The following RPRD1A variants were observed in gnomAD, a reference collection of about 807,000 sequenced individuals.
RPRD1A encodes regulation of nuclear pre-mRNA domain-containing protein 1A.
Under a neutral mutation model 37.8 loss-of-function variants are expected in RPRD1A, and 9 were observed. The ratio of observed to expected loss-of-function variants is 0.24; its 90% CI spans 0.14 to 0.42. The LOEUF is 0.42. Among genes scored for constraint, RPRD1A ranks in the 10% least tolerant of loss-of-function variants. The pLI, the probability that RPRD1A is intolerant of heterozygous loss-of-function variation, is 1.00. For synonymous variants in RPRD1A, 138 were observed against 139.7 expected (o/e 0.99, Z 0.08); for missense variants, 255 against 371.0 (o/e 0.69, Z 2.57).
At chr18:36,026,707 A>C in intron 6 of RPRD1A, 193 bp downstream of exon 6, 1 of 440,026 alleles carries the variant, frequency 2.3e-6, no homozygotes, top group East Asian at 3.5e-5. Flanking sequence ...CCAAATTTCT[A>C]AGTTTACTTG....
intron 6 of RPRD1A, 77 bp downstream of exon 6, chr18:36,026,823 T>C (rs1259215242): frequency 4.0e-5 from 55 of 1,382,272 alleles, no homozygotes; most frequent in East Asian, 2.0e-4. Flanking sequence ...AATGTGCACA[T>C]AGATTAAAAT....
intron 1 of RPRD1A, among the ~76,000 whole-genome samples, chr18:36,047,437 A>C (rs1033729853): frequency 2.0e-5 from 3 of 152,004 alleles, no homozygotes; most frequent in Non-Finnish European, 4.4e-5. Flanking sequence ...AAGAAGAAGA[A>C]AACTAACCCA....
At chr18:36,028,262 A>C (rs939324989) in intron 4 of RPRD1A, 1 of 152,248 alleles carries the variant, frequency 6.6e-6, no homozygotes, top group East Asian at 1.9e-4. Context: ...AGGGTAGCAC[A>C]TGACAAATGA....
intron 1 of RPRD1A, among the ~76,000 whole-genome samples, chr18:36,065,685 A>G (rs568708991): frequency 2.3e-4 from 35 of 152,350 alleles, no homozygotes; most frequent in African/African-American, 8.2e-4. Context: ...ACATATTTTT[A>G]CATTCCCACC....
chr18:36,031,791 T>C (rs1044314894), intron 2 of RPRD1A, among the ~76,000 whole-genome samples: 1 of 152,148 alleles, frequency 6.6e-6, no homozygotes, highest in African/African-American at 2.4e-5. Context: ...ATCCTAATAA[T>C]GTAAATCAGA....
intron 6 of RPRD1A, among the ~76,000 whole-genome samples, chr18:36,000,968 T>C (rs1909379454): frequency 6.6e-6 from 1 of 152,304 alleles, no homozygotes; most frequent in South Asian, 2.1e-4. Context: ...GGACAACTAG[T>C]TATGTTCCTA....
intron 1 of RPRD1A, among the ~76,000 whole-genome samples, chr18:36,057,232 A>C (rs1913852605): frequency 6.6e-6 from 1 of 151,446 alleles, no homozygotes; most frequent in South Asian, 2.1e-4. Context: ...AACAAGAACA[A>C]CAACAACAAA....
At chr18:35,996,817 A>G (rs1476146667) in intron 6 of RPRD1A, among the ~76,000 whole-genome samples, 4 of 151,854 alleles carry the variant, frequency 2.6e-5, no homozygotes, top group Non-Finnish European at 5.9e-5. Flanking sequence ...TGTCTCTACA[A>G]AAAGTACAAA....
chr18:36,053,061 G>T (rs1022542166), intron 1 of RPRD1A: 2 of 152,146 alleles, frequency 1.3e-5, no homozygotes, highest in African/African-American at 4.8e-5. Context: ...CTGCAGAGAG[G>T]AGTTGTCATG....
chr18:35,993,564 A>T (rs566396484), intron 6 of RPRD1A, among the ~76,000 whole-genome samples: 70 of 152,362 alleles, frequency 4.6e-4, no homozygotes, highest in African/African-American at 1.6e-3. Flanking sequence ...ACCTCGACAT[A>T]TAAGATGTTC....
intron 6 of RPRD1A, among the ~76,000 whole-genome samples, chr18:36,017,907 G>A (rs1910705152): frequency 6.6e-6 from 1 of 152,142 alleles, no homozygotes; most frequent in Non-Finnish European, 1.5e-5. Context: ...CTTATACAAT[G>A]CTAAGGATTA....
intron 6 of RPRD1A, among the ~76,000 whole-genome samples, chr18:35,997,719 GTT>G (rs1047330951): frequency 6.6e-6 from 1 of 152,096 alleles, no homozygotes; most frequent in African/African-American, 2.4e-5. Flanking sequence ...GCTACTTAAA[GTT>G]TTTAAATTGG....
chr18:36,016,900 C>A (rs1175111482), intron 6 of RPRD1A, among the ~76,000 whole-genome samples: 1 of 152,070 alleles, frequency 6.6e-6, no homozygotes, highest in Non-Finnish European at 1.5e-5. Context: ...CTGATTCTAT[C>A]CTTCTAAATC....
chr18:36,057,260 CACACACACACAT>C (rs1416232190), intron 1 of RPRD1A, among the ~76,000 whole-genome samples: 1 of 151,590 alleles, frequency 6.6e-6, no homozygotes, highest in Non-Finnish European at 1.5e-5. Context: ...ATATATCACA[CACACACACACAT>C]ACACACACCT....
rs140534442 is a variant in RPRD1A at position 36,026,592 on chromosome 18, T to C, written c.789+308A>G. ...ACTACAAGTGACTGCCACCTGCTAT[T>C]TTCCTATTATTTCTGTGATACATTA... On this transcript the variant is annotated intron_variant, in intron 6 of 6. Transcript: ENST00000399022. 6 of 217,826 alleles carry C rather than the reference T, an allele frequency of 2.8e-5. No homozygotes were observed. In the East Asian group the frequency reaches 6.4e-4, roughly 23 times the overall value. 13.5% of individuals were successfully genotyped at this position (217,826 alleles called of 1,614,324 possible). A position where few individuals can be genotyped will look rare whatever the true frequency, so the allele number is the denominator to read the frequency against.
intron 6 of RPRD1A, among the ~76,000 whole-genome samples, chr18:36,007,290 T>C (rs1462929652): frequency 6.6e-6 from 1 of 152,214 alleles, no homozygotes; most frequent in Non-Finnish European, 1.5e-5. Context: ...TATCCCATGA[T>C]GGCGTTACAG....
intron 1 of RPRD1A, chr18:36,040,845 C>T: frequency 6.6e-7 from 1 of 1,523,368 alleles, no homozygotes; most frequent in African/African-American, 1.4e-5. Context: ...ATTGGAATTT[C>T]TCATTTGTTG....
chr18:36,036,511 T>C (rs143436777), intron 1 of RPRD1A, among the ~76,000 whole-genome samples: 2 of 152,184 alleles, frequency 1.3e-5, no homozygotes, highest in Non-Finnish European at 2.9e-5. Flanking sequence ...AAATTCCATA[T>C]GAGGTGATTG....
chr18:35,994,692 C>A (rs762128929), intron 6 of RPRD1A, among the ~76,000 whole-genome samples: 1 of 152,102 alleles, frequency 6.6e-6, no homozygotes, highest in Non-Finnish European at 1.5e-5. Context: ...TTCTGAGCTA[C>A]AAATAAAGAT....
Sources: gnomAD v4.1 joint callset for allele counts (sites outside exome capture counted in the v4.1 genomes callset) on GRCh38, gnomAD v4.1.1 for gene constraint, MANE v1.5 for transcripts, NCBI Gene and HGNC (gene_info 2026-07-23, HGNC 2026-07-21) for gene names.